Variants in PDE4D observed in about 807,000 individuals in gnomAD.
The protein encoded by PDE4D is phosphodiesterase 4D.
In PDE4D, 24 loss-of-function variants were observed where a neutral mutation model predicts 87.4. The ratio of observed to expected loss-of-function variants is 0.27; its 90% CI spans 0.20 to 0.39. The LOEUF (loss-of-function observed/expected upper bound fraction) is 0.39. Among genes scored for constraint, PDE4D ranks in the 10% least tolerant of loss-of-function variants. The pLI is 1.00. For synonymous variants in PDE4D, 384 were observed against 383.2 expected, an observed-to-expected ratio of 1.00 and a Z score of -0.02; for missense variants, 714 against 1,041.0, an observed-to-expected ratio of 0.69 and a Z score of 4.32.
At chr5:59,168,057 T>A (rs1581160886) in intron 5 of PDE4D, among the ~76,000 whole-genome samples, 1 of 151,828 alleles carries the variant, frequency 6.6e-6, no homozygotes, top group African/African-American at 2.4e-5. Context: ...CCAACAGTGC[T>A]GAAAAGGAAC....
intron 6 of PDE4D, among the ~76,000 whole-genome samples, chr5:59,009,463 T>C (rs1449645192): frequency 6.6e-6 from 1 of 152,136 alleles, no homozygotes; most frequent in Non-Finnish European, 1.5e-5. Flanking sequence ...GTGAAACTTA[T>C]AATTCAACTC....
intron 3 of PDE4D, among the ~76,000 whole-genome samples, chr5:59,959,839 G>T (rs1201513273): frequency 6.6e-6 from 1 of 152,054 alleles, no homozygotes; most frequent in Admixed American, 6.6e-5. Flanking sequence ...AACAAAAATT[G>T]AAAATTAGGA....
intron 1 of PDE4D, among the ~76,000 whole-genome samples, chr5:59,629,072 A>G (rs973567387): frequency 6.6e-6 from 1 of 152,170 alleles, no homozygotes; most frequent in African/African-American, 2.4e-5. Context: ...AACTGCCACC[A>G]TGATTCAATT....
intron 1 of PDE4D, among the ~76,000 whole-genome samples, chr5:59,863,251 T>C (rs1293839312): frequency 6.6e-6 from 1 of 152,222 alleles, no homozygotes; most frequent in African/African-American, 2.4e-5. Context: ...TACTCATAAA[T>C]AGAGTGCCAG....
chr5:60,155,843 A>G (rs1250344945), intron 2 of PDE4D, among the ~76,000 whole-genome samples: 1 of 152,222 alleles, frequency 6.6e-6, no homozygotes, highest in Non-Finnish European at 1.5e-5. Context: ...CTATTACAAT[A>G]GTTCACATAG....
chr5:59,477,389 C>T (rs760371639), intron 1 of PDE4D, among the ~76,000 whole-genome samples: 2 of 138,232 alleles, frequency 1.4e-5, no homozygotes, highest in African/African-American at 2.8e-5. Flanking sequence ...AGAATCTCTA[C>T]AAAATATGCT....
intron 3 of PDE4D, among the ~76,000 whole-genome samples, chr5:59,925,100 A>G (rs898848148): frequency 2.1e-5 from 3 of 141,372 alleles, no homozygotes; most frequent in African/African-American, 8.3e-5. Flanking sequence ...GCGTGAACCC[A>G]GGAGGCAGAG....
chr5:59,913,579 A>G (rs940531346), intron 3 of PDE4D, among the ~76,000 whole-genome samples: 1 of 152,154 alleles, frequency 6.6e-6, no homozygotes, highest in Non-Finnish European at 1.5e-5. Context: ...AAGTCAGGTA[A>G]TTAATTTTTA....
At chr5:60,340,088 A>C (rs1255714472) in intron 1 of PDE4D, among the ~76,000 whole-genome samples, 1 of 152,200 alleles carries the variant, frequency 6.6e-6, no homozygotes, top group African/African-American at 2.4e-5. Context: ...GCGCCTAAAA[A>C]CTGGCACAAA....
chr5:59,574,074 A>T (rs1343307066), intron 1 of PDE4D, among the ~76,000 whole-genome samples: 7 of 16,158 alleles, frequency 4.3e-4, no homozygotes, highest in African/African-American at 9.9e-4. Context: ...ATATATATTT[A>T]TATATATATT....
At chr5:60,193,276 A>G (rs1785341348) in intron 1 of PDE4D, among the ~76,000 whole-genome samples, 1 of 152,204 alleles carries the variant, frequency 6.6e-6, no homozygotes, top group African/African-American at 2.4e-5. Context: ...CAACTGAATC[A>G]GCAAGCAAGA....
At chr5:59,719,039 CA>C (rs1006634527) in intron 1 of PDE4D, among the ~76,000 whole-genome samples, 3 of 151,154 alleles carry the variant, frequency 2.0e-5, no homozygotes, top group Non-Finnish European at 2.9e-5. Context: ...TTTCTGGTTT[CA>C]TATAAGGAGA....
intron 1 of PDE4D, among the ~76,000 whole-genome samples, chr5:59,419,332 TCA>T (rs1358144896): frequency 2.0e-5 from 3 of 152,342 alleles, no homozygotes; most frequent in African/African-American, 4.8e-5. Flanking sequence ...TTTTTCTCTC[TCA>T]GTTTTGCATT....
chr5:59,436,081 A>G (rs1004556268), intron 1 of PDE4D, among the ~76,000 whole-genome samples: 1 of 152,210 alleles, frequency 6.6e-6, no homozygotes, highest in Non-Finnish European at 1.5e-5. Context: ...TTGAGAGTGT[A>G]CTGGCAAATT....
In PDE4D at chr5:59,746,893, C is replaced by G. The variant is rs553346286; in HGVS notation, c.455+146275G>C. On this transcript the variant is annotated intron_variant, in intron 1 of 14. Coordinates refer to ENST00000340635, the MANE Select transcript of PDE4D (RefSeq NM_001104631.2). ...GCTGCTTCCAGACCATGATCTCTTC[C>G]TTGCCCTAAAATGTCTTTGTAACTC... Among the ~76,000 whole-genome samples, 4 of 152,204 alleles carry G rather than the reference C, an allele frequency of 2.6e-5. No individual in the cohort carries two copies. The South Asian group carries it at 8.3e-4, about 32-fold the overall frequency.
At chr5:60,216,673 A>G (rs1393764637) in intron 1 of PDE4D, among the ~76,000 whole-genome samples, 1 of 152,104 alleles carries the variant, frequency 6.6e-6, no homozygotes, top group East Asian at 1.9e-4. Flanking sequence ...TAAACTTTAA[A>G]TCAAAAAAAC....
intron 1 of PDE4D, among the ~76,000 whole-genome samples, chr5:60,257,248 G>GA (rs1442149019): frequency 7.8e-5 from 7 of 90,216 alleles, no homozygotes; most frequent in Non-Finnish European, 1.4e-4. Context: ...AAGAAAGAAA[G>GA]AAAGAAAAGA....
intron 3 of PDE4D, among the ~76,000 whole-genome samples, chr5:59,948,018 A>C (rs1345843053): frequency 6.6e-6 from 1 of 152,202 alleles, no homozygotes; most frequent in Non-Finnish European, 1.5e-5. Flanking sequence ...AAAAAAGAGT[A>C]GCTCCAAAGG....
intron 1 of PDE4D, among the ~76,000 whole-genome samples, chr5:59,642,592 C>G (rs148040957): frequency 6.6e-6 from 1 of 152,076 alleles, no homozygotes; most frequent in Non-Finnish European, 1.5e-5. Flanking sequence ...TTTTTCTTGC[C>G]GCCACCATGT....
Sources: gnomAD v4.1 joint callset for allele counts (sites outside exome capture counted in the v4.1 genomes callset) on GRCh38, gnomAD v4.1.1 for gene constraint, MANE v1.5 for transcripts, NCBI Gene and HGNC (gene_info 2026-07-23, HGNC 2026-07-21) for gene names.